GCNT1: variants seen among roughly 807,000 people sequenced by gnomAD.
GCNT1 encodes glucosaminyl (N-acetyl) transferase 1.
A neutral mutation model predicts 26.2 loss-of-function variants in GCNT1; 16 were observed. That is an observed-to-expected ratio of 0.61 (90% CI 0.41 to 0.93). GCNT1 has a LOEUF of 0.93. GCNT1 is among the 40% of genes least tolerant of loss of function. The pLI, the probability that GCNT1 is intolerant of heterozygous loss-of-function variation, is 0.00. For synonymous variants in GCNT1, 183 were observed against 190.8 expected (o/e 0.96, Z 0.34); for missense variants, 477 against 526.7 (o/e 0.91, Z 0.92).
intron 2 of GCNT1, among the ~76,000 whole-genome samples, chr9:76,478,464 C>G (rs1404192961): frequency 2.0e-5 from 3 of 152,150 alleles, no homozygotes; most frequent in African/African-American, 7.2e-5. Context: ...TCTGAAGGAA[C>G]AAACTCCAGA....
intron 2 of GCNT1, among the ~76,000 whole-genome samples, chr9:76,478,713 T>A (rs140870476): frequency 5.3e-5 from 8 of 152,360 alleles, no homozygotes; most frequent in African/African-American, 1.9e-4. Flanking sequence ...ATATACCACA[T>A]CTTGTTTATC....
intron 2 of GCNT1, among the ~76,000 whole-genome samples, chr9:76,499,838 T>A (rs1221942985): frequency 6.6e-6 from 1 of 152,200 alleles, no homozygotes; most frequent in Non-Finnish European, 1.5e-5. Flanking sequence ...TAATTATTGA[T>A]ACATTATTTT....
chr9:76,493,489 G>C (rs1342560239), intron 2 of GCNT1, among the ~76,000 whole-genome samples: 1 of 152,166 alleles, frequency 6.6e-6, no homozygotes, highest in Non-Finnish European at 1.5e-5. Flanking sequence ...ACTTCCCCAG[G>C]TCTGCCTTGA....
intron 2 of GCNT1, among the ~76,000 whole-genome samples, chr9:76,496,969 C>T (rs1824924164): frequency 6.6e-6 from 1 of 152,164 alleles, no homozygotes; most frequent in African/African-American, 2.4e-5. Flanking sequence ...TTGGATTAGG[C>T]AGGCCTTGGG....
At chr9:76,413,668 GTTT>G in the GCNT1 span, among the ~76,000 whole-genome samples, 5 of 84,212 alleles carry the variant, frequency 5.9e-5, no homozygotes, top group Non-Finnish European at 1.0e-4. Flanking sequence ...TTTTTTTTTT[GTTT>G]TTTTTTTTTT....
chr9:76,421,689 G>GTTTTTTT (rs1182829928), intron 1 of GCNT1, among the ~76,000 whole-genome samples: 1 of 74,780 alleles, frequency 1.3e-5, no homozygotes, highest in African/African-American at 5.4e-5. Context: ...TTTGTAGGTT[G>GTTTTTTT]TTTTTTTTTT....
chr9:76,415,522 T>A (rs1823125183), upstream of GCNT1, among the ~76,000 whole-genome samples: 1 of 152,240 alleles, frequency 6.6e-6, no homozygotes. Context: ...TTATCATCTG[T>A]CAATTTAATT....
intron 1 of GCNT1, among the ~76,000 whole-genome samples, chr9:76,443,135 G>T (rs1266298219): frequency 6.6e-6 from 1 of 152,154 alleles, no homozygotes; most frequent in African/African-American, 2.4e-5. Context: ...GCCAAGGCAG[G>T]CAGATCACTT....
chr9:76,472,200 C>A (rs1178206043), intron 2 of GCNT1, among the ~76,000 whole-genome samples: 1 of 152,130 alleles, frequency 6.6e-6, no homozygotes. Context: ...TCACTTGAAC[C>A]CGAACCCGGG....
intron 3 of GCNT1, 38 bp from the exon 4 acceptor site, chr9:76,502,200 TA>T: frequency 1.4e-5 from 3 of 206,920 alleles, no homozygotes; most frequent in Non-Finnish European, 1.9e-5. Context: ...TATATATATA[TA>T]TATTTATTTA....
chr9:76,415,147 T>G (rs886425991), upstream of GCNT1, among the ~76,000 whole-genome samples: 1 of 152,126 alleles, frequency 6.6e-6, no homozygotes, highest in African/African-American at 2.4e-5. Context: ...TACCTTGATT[T>G]CCTAGGCTCA....
intron 1 of GCNT1, among the ~76,000 whole-genome samples, chr9:76,428,879 T>C (rs1221533455): frequency 6.6e-6 from 1 of 152,108 alleles, no homozygotes; most frequent in Admixed American, 6.5e-5. Context: ...TTTGTATTTT[T>C]AGTAGAGACG....
chr9:76,493,158 CCTT>C (rs1029201452), intron 2 of GCNT1, among the ~76,000 whole-genome samples: 1 of 152,106 alleles, frequency 6.6e-6, no homozygotes, highest in Admixed American at 6.6e-5. Context: ...TCCTAATTCT[CCTT>C]CATCCTTCTA....
chr9:76,494,928 G>A (rs1053994332), intron 2 of GCNT1, among the ~76,000 whole-genome samples: 5 of 152,102 alleles, frequency 3.3e-5, no homozygotes, highest in African/African-American at 4.8e-5. Flanking sequence ...CAGGAAAAGC[G>A]GAAGCTGTTT....
upstream of GCNT1, among the ~76,000 whole-genome samples, chr9:76,457,178 C>T (rs1181549311): frequency 1.3e-5 from 2 of 152,206 alleles, no homozygotes; most frequent in Non-Finnish European, 2.9e-5. Context: ...ACTTGTACCT[C>T]GGCTTCCTAA....
At chr9:76,436,065 C>A (rs1275527247) in intron 1 of GCNT1, among the ~76,000 whole-genome samples, 3 of 150,468 alleles carry the variant, frequency 2.0e-5, no homozygotes, top group Non-Finnish European at 4.4e-5. Context: ...AATTCTCCCT[C>A]CTCAGCCTCC....
intron 2 of GCNT1, among the ~76,000 whole-genome samples, chr9:76,489,172 A>G (rs1013209815): frequency 2.0e-5 from 3 of 152,224 alleles, no homozygotes; most frequent in Admixed American, 2.0e-4. Context: ...GCCTCTATCT[A>G]GAGAGCACAT....
At chr9:76,429,996 G>C (rs560433309) in intron 1 of GCNT1, among the ~76,000 whole-genome samples, 1 of 152,272 alleles carries the variant, frequency 6.6e-6, no homozygotes, top group Admixed American at 6.5e-5. Flanking sequence ...TTACAGGCGT[G>C]AGTCACCATG....
chr9:76,494,655 A>G (rs1824853236), intron 2 of GCNT1, among the ~76,000 whole-genome samples: 1 of 152,196 alleles, frequency 6.6e-6, no homozygotes, highest in Non-Finnish European at 1.5e-5. Context: ...TTCTTATAGG[A>G]GAAACTAGAA....
Sources: allele counts gnomAD v4.1 joint callset (sites outside exome capture counted in the v4.1 genomes callset), GRCh38; gene constraint gnomAD v4.1.1; transcripts MANE v1.5; gene names NCBI Gene and HGNC (gene_info 2026-07-23, HGNC 2026-07-21).